Variants in ICA1 observed in about 807,000 individuals in gnomAD.
The protein encoded by ICA1 is islet cell autoantigen 1.
ICA1 carries 40 observed loss-of-function variants against 71.0 expected under a neutral mutation model. The observed-to-expected ratio is 0.56, with a 90% CI of 0.44 to 0.73. The LOEUF (loss-of-function observed/expected upper bound fraction) is 0.73, where lower values mean the gene tolerates loss of function less well. Among genes scored for constraint, ICA1 ranks in the 30% least tolerant of loss-of-function variants. The pLI is 0.00. For missense variants in ICA1, 578 were observed against 576.5 expected, an observed-to-expected ratio of 1.00 and a Z score of -0.03; for synonymous variants, 207 against 209.5, an observed-to-expected ratio of 0.99 and a Z score of 0.10.
In ICA1 at chr7:8,223,272, T is replaced by C. The variant is rs1797660188; in HGVS notation, c.257-1874A>G. Among the ~76,000 whole-genome samples, 2 of 152,220 alleles carry C rather than the reference T, an allele frequency of 1.3e-5. No homozygotes were observed. The highest frequency in any genetic ancestry group is 4.8e-5 in the African/African-American group (2 of 41,460). ...TTTTACCTTGAAGTCTCAAGTCACA[T>C]ACAAATGAATGCATTTAGCTTAAGG... On this transcript the variant is annotated intron_variant, in intron 4 of 13. Transcript: ENST00000402384. The surrounding 1 kb of genome is among the most constrained non-coding windows in gnomAD (Gnocchi z 4.1).
chr7:8,248,109 G>A (rs747183244), intron 1 of ICA1, among the ~76,000 whole-genome samples: 9 of 152,156 alleles, frequency 5.9e-5, no homozygotes, highest in East Asian at 1.9e-4. Context: ...TCCTAAGCAC[G>A]TCATTTTACT....
At chr7:8,127,272 A>G (rs1789598300) in intron 13 of ICA1, among the ~76,000 whole-genome samples, 1 of 151,714 alleles carries the variant, frequency 6.6e-6, no homozygotes, top group South Asian at 2.1e-4. Flanking sequence ...GATTACAGGC[A>G]TGAGCCACCA....
intron 6 of ICA1, among the ~76,000 whole-genome samples, chr7:8,203,929 C>G (rs73677006): frequency 0.012 from 1,799 of 152,212 alleles, 42 homozygotes; most frequent in African/African-American, 0.041. Context: ...AGGCGCCAGA[C>G]AGACCCCAAG....
chr7:8,192,737 TCTC>T (rs80213675), intron 6 of ICA1, among the ~76,000 whole-genome samples: 17,679 of 152,208 alleles, frequency 0.12, 1,070 homozygotes, highest in Non-Finnish European at 0.14. Context: ...CTTTATTTGT[TCTC>T]CTTTGTTTGT....
intron 10 of ICA1, among the ~76,000 whole-genome samples, chr7:8,140,338 G>A (rs1051864997): frequency 5.9e-5 from 9 of 152,164 alleles, no homozygotes; most frequent in African/African-American, 1.9e-4. Flanking sequence ...ATGCTCTGGA[G>A]CATGGTTTCT....
intron 1 of ICA1, among the ~76,000 whole-genome samples, chr7:8,238,487 T>G (rs1025427067): frequency 6.6e-6 from 1 of 152,194 alleles, no homozygotes; most frequent in East Asian, 1.9e-4. Context: ...GTCATTTTGT[T>G]ATTGACCCAA....
intron 2 of ICA1, among the ~76,000 whole-genome samples, chr7:8,233,796 A>G (rs1468857203): frequency 1.3e-5 from 2 of 152,230 alleles, no homozygotes; most frequent in Non-Finnish European, 2.9e-5. Flanking sequence ...ACAATAAAAT[A>G]AATTTAAAAT....
chr7:8,196,154 C>A (rs974203936), intron 6 of ICA1, among the ~76,000 whole-genome samples: 10 of 152,022 alleles, frequency 6.6e-5, no homozygotes, highest in African/African-American at 1.7e-4. Flanking sequence ...TACATCCAGA[C>A]AATGAAATAT....
At chr7:8,178,912 C>T (rs1220783898) in intron 6 of ICA1, among the ~76,000 whole-genome samples, 2 of 152,178 alleles carry the variant, frequency 1.3e-5, no homozygotes, top group Non-Finnish European at 2.9e-5. Flanking sequence ...AATCTGCTAG[C>T]TTTCCACCCA....
intron 13 of ICA1, among the ~76,000 whole-genome samples, chr7:8,119,996 A>C (rs541402870): frequency 5.3e-5 from 8 of 152,288 alleles, no homozygotes; most frequent in Admixed American, 3.9e-4. Context: ...AATATTGTTC[A>C]CCTAAAACAC....
chr7:8,138,819 A>G (rs1415947795), intron 12 of ICA1, 21 bp downstream of exon 12: 19 of 1,553,328 alleles, frequency 1.2e-5, no homozygotes, highest in Admixed American at 1.2e-4. Flanking sequence ...TCATAATCCC[A>G]AAGAAACACA....
chr7:8,129,952 T>C (rs1214747231), intron 12 of ICA1, among the ~76,000 whole-genome samples: 1 of 112,730 alleles, frequency 8.9e-6, no homozygotes, highest in Non-Finnish European at 1.9e-5. Context: ...GAATATGCGG[T>C]ATTTGGTTTT....
chr7:8,155,270 A>G (rs1801093045), intron 8 of ICA1, among the ~76,000 whole-genome samples: 1 of 152,228 alleles, frequency 6.6e-6, no homozygotes, highest in Non-Finnish European at 1.5e-5. Flanking sequence ...TGGGGATGTA[A>G]AAGCTAACAG....
intron 6 of ICA1, among the ~76,000 whole-genome samples, chr7:8,197,383 T>C (rs1374104658): frequency 1.3e-5 from 2 of 151,388 alleles, no homozygotes; most frequent in East Asian, 3.9e-4. Context: ...TGAAACCCCA[T>C]CTCTACTAAA....
intron 3 of ICA1, among the ~76,000 whole-genome samples, chr7:8,230,882 CA>C (rs1194153940): frequency 6.6e-6 from 1 of 152,152 alleles, no homozygotes; most frequent in African/African-American, 2.4e-5. Context: ...TGCACTAACA[CA>C]TACCCTTATT....
intron 13 of ICA1, among the ~76,000 whole-genome samples, chr7:8,115,421 C>T (rs893444165): frequency 6.6e-6 from 1 of 152,162 alleles, no homozygotes; most frequent in African/African-American, 2.4e-5. Context: ...TCTATTCTTG[C>T]TAGAGGATAT....
rs532110083 is a variant in ICA1 at position 8,227,884 on chromosome 7, C to A, written c.256+717G>T. The A allele has an allele frequency of 1.6e-5, 7 of 445,748 alleles. No individual in the cohort carries two copies. The East Asian group carries it at 3.8e-4, about 24-fold the overall frequency. The allele number at this position is 445,748 out of a possible 1,614,324, so 27.6% of individuals were successfully genotyped here. On this transcript the variant is annotated intron_variant, in intron 4 of 13. Coordinates refer to ENST00000402384, the MANE Select transcript of ICA1 (RefSeq NM_001136020.3). ...TACAGATGTCAGACAATGCACCCAG[C>A]CTACCAAAATGATTGTCTTAATAAA...
chr7:8,155,677 C>A (rs1229150112), intron 8 of ICA1, among the ~76,000 whole-genome samples: 1 of 152,152 alleles, frequency 6.6e-6, no homozygotes, highest in Non-Finnish European at 1.5e-5. Flanking sequence ...CATGCATGCC[C>A]TAAACCCTAA....
intron 1 of ICA1, among the ~76,000 whole-genome samples, chr7:8,244,390 T>C (rs1034482226): frequency 6.6e-6 from 1 of 152,086 alleles, no homozygotes; most frequent in South Asian, 2.1e-4. Context: ...TTCCTTACAC[T>C]TTATACAAAA....
Sources: gnomAD v4.1 joint callset for allele counts (sites outside exome capture counted in the v4.1 genomes callset) on GRCh38, gnomAD v4.1.1 for gene constraint, Gnocchi (gnomAD v3.1) non-coding constraint, MANE v1.5 for transcripts, NCBI Gene and HGNC (gene_info 2026-07-23, HGNC 2026-07-21) for gene names.